ATP6V1C2: variants seen among roughly 807,000 people sequenced by gnomAD.
The protein encoded by ATP6V1C2 is ATPase H+ transporting V1 subunit C2, also known as V-type proton ATPase subunit C 2.
ATP6V1C2 carries 45 observed loss-of-function variants against 56.8 expected under a neutral mutation model. The ratio of observed to expected loss-of-function variants is 0.79; its 90% CI spans 0.62 to 1.02. ATP6V1C2 has a LOEUF of 1.02. ATP6V1C2 is among the 50% of genes least tolerant of loss of function. The pLI is 0.00. For synonymous variants in ATP6V1C2, 220 were observed against 201.3 expected (o/e 1.09, Z -0.79); for missense variants, 463 against 519.7 (o/e 0.89, Z 1.06).
intron 3 of ATP6V1C2, among the ~76,000 whole-genome samples, chr2:10,734,761 G>T (rs995928986): frequency 2.0e-5 from 3 of 152,174 alleles, no homozygotes; most frequent in Admixed American, 1.3e-4. Flanking sequence ...GTCATCGGTA[G>T]AACTGACCAG....
intron 12 of ATP6V1C2, 57 bp downstream of exon 12, chr2:10,778,726 G>A: frequency 1.3e-6 from 2 of 1,549,076 alleles, no homozygotes; most frequent in Admixed American, 1.7e-5. Flanking sequence ...GGGTCTGGGG[G>A]AGCTATCGGG....
In ATP6V1C2 at chr2:10,784,818, G is replaced by A. The variant is rs376113360; in HGVS notation, c.*1555G>A. On this transcript the variant is annotated 3_prime_UTR_variant, in exon 14 of 14. Coordinates refer to ENST00000272238, the MANE Select transcript of ATP6V1C2 (RefSeq NM_001039362.2). ...GAGAAGAACCTCTTAAAAGGCCCACGGGTGCACCAGGGCTGAGGTCTGATG... is the reference window on the plus strand; with the variant it reads ...GAGAAGAACCTCTTAAAAGGCCCACAGGTGCACCAGGGCTGAGGTCTGATG... The A allele has an allele frequency of 1.7e-5, 12 of 714,336 alleles. No individual in the cohort carries two copies. The highest frequency in any genetic ancestry group is 1.6e-4 in the East Asian group (6 of 36,640). The allele number at this position is 714,336 out of a possible 1,614,324, so 44.2% of individuals were successfully genotyped here.
At chr2:10,770,690 CATT>C (rs982552119) in intron 6 of ATP6V1C2, among the ~76,000 whole-genome samples, 1 of 152,248 alleles carries the variant, frequency 6.6e-6, no homozygotes, top group Non-Finnish European at 1.5e-5. Flanking sequence ...CATTGATCAT[CATT>C]GATTCGCAGT....
At position 10,768,767 on chromosome 2, in the gene ATP6V1C2, A is replaced by G. The variant is rs1198849; in HGVS notation, c.427A>G (p.Asn143Asp). The G allele has an allele frequency of 0.38, 620,635 of 1,613,372 alleles. 122,677 individuals carry two copies. The highest frequency in any genetic ancestry group is 0.62 in the East Asian group (27,989 of 44,842). Residue 143 changes from asparagine to aspartate, a missense_variant, in exon 6 of 14, where the codon AAC becomes GAC. By Grantham distance (23) the Asn-to-Asp change is conservative. Coordinates refer to ENST00000272238, the MANE Select transcript of ATP6V1C2 (RefSeq NM_001039362.2). ...CCTGAAGTCCCGAACGGCCGCCTAC[A>G]ACACTCTGAAGACAAACCTGGAGAA... Reference protein sequence around the residue: ...MDLKSRTAAYNTLKTNLENLE... With the variant: ...MDLKSRTAAYDTLKTNLENLE...
intron 1 of ATP6V1C2, among the ~76,000 whole-genome samples, chr2:10,722,026 T>A (rs1357335411): frequency 6.6e-6 from 1 of 152,200 alleles, no homozygotes; most frequent in African/African-American, 2.4e-5. Flanking sequence ...AGGAAGAGGT[T>A]CCACCAGGGG....
chr2:10,755,648 C>T (rs531618448), intron 4 of ATP6V1C2, among the ~76,000 whole-genome samples: 5 of 152,322 alleles, frequency 3.3e-5, no homozygotes, highest in African/African-American at 1.2e-4. Flanking sequence ...TACTGTTTGC[C>T]CCTCCACCCT....
intron 3 of ATP6V1C2, among the ~76,000 whole-genome samples, chr2:10,745,598 C>T (rs1662865480): frequency 6.6e-6 from 1 of 152,124 alleles, no homozygotes; most frequent in South Asian, 2.1e-4. Flanking sequence ...ACCTCTGCCT[C>T]CTAAAGTGCT....
intron 3 of ATP6V1C2, among the ~76,000 whole-genome samples, chr2:10,748,411 G>A (rs926681100): frequency 1.3e-5 from 2 of 152,080 alleles, no homozygotes; most frequent in African/African-American, 4.8e-5. Flanking sequence ...TTGGTCACTT[G>A]ACTAAGGCAG....
chr2:10,724,793 C>G (rs1308129981), intron 2 of ATP6V1C2, among the ~76,000 whole-genome samples: 3 of 151,838 alleles, frequency 2.0e-5, no homozygotes, highest in Non-Finnish European at 4.4e-5. Context: ...CTGCCTCAGC[C>G]TCCCCAGTAG....
intron 4 of ATP6V1C2, chr2:10,757,478 G>A (rs1663623934): frequency 5.0e-6 from 2 of 398,516 alleles, no homozygotes; most frequent in Admixed American, 4.4e-5. Context: ...ATTGTTTGCT[G>A]TGTCTGTGCT....
chr2:10,724,391 G>A (rs887764509), intron 2 of ATP6V1C2, among the ~76,000 whole-genome samples: 2 of 152,166 alleles, frequency 1.3e-5, no homozygotes, highest in African/African-American at 4.8e-5. Flanking sequence ...GGCTGGGAGA[G>A]GCTAAGTGTT....
chr2:10,747,383 C>T (rs114677744), intron 3 of ATP6V1C2, among the ~76,000 whole-genome samples: 5,560 of 152,278 alleles, frequency 0.037, 356 homozygotes, highest in African/African-American at 0.13. Flanking sequence ...TCTTTCTGAA[C>T]TCTGAACTTC....
chr2:10,751,888 G>A (rs181044155), intron 3 of ATP6V1C2, among the ~76,000 whole-genome samples: 3 of 152,092 alleles, frequency 2.0e-5, no homozygotes, highest in East Asian at 1.9e-4. Flanking sequence ...CCTGAGGATC[G>A]CTTTAGCCCC....
rs6729062 is a variant in ATP6V1C2, at chr2:10,780,947, G to C, written c.1062-1296G>C. 6.6e-6 allele frequency among the ~76,000 whole-genome samples: 1 copy of C among 152,128 alleles called. No individual in the cohort carries two copies. Among genetic ancestry groups the C allele is most frequent in the East Asian group, 1.9e-4 (1 of 5,162 alleles). On this transcript the variant is annotated intron_variant, in intron 12 of 13. Transcript: ENST00000272238. This position sits in a 1 kb window ranked among gnomAD's most constrained non-coding sequence, Gnocchi z 4.1. ...TTTAGTAGCGACGGGGTTTCACCAC[G>C]TTGGCCAGGCTGGTCTTGAACTCCT...
chr2:10,736,747 ATAATT>A (rs1287438739), intron 3 of ATP6V1C2, among the ~76,000 whole-genome samples: 2 of 148,460 alleles, frequency 1.3e-5, no homozygotes, highest in Non-Finnish European at 3.0e-5. Flanking sequence ...TGAGTGTTAT[ATAATT>A]TAAATTTTGA....
chr2:10,767,159 CTTTTTT>C (rs33943682), intron 5 of ATP6V1C2, among the ~76,000 whole-genome samples: 1 of 109,308 alleles, frequency 9.1e-6, no homozygotes, highest in Non-Finnish European at 1.7e-5. Context: ...CATTTTTTAT[CTTTTTT>C]TTTTTTTTTT....
intron 3 of ATP6V1C2, among the ~76,000 whole-genome samples, chr2:10,727,505 A>C (rs1025194020): frequency 1.3e-5 from 2 of 151,982 alleles, no homozygotes; most frequent in Non-Finnish European, 2.9e-5. Context: ...GCAGTGAGCT[A>C]TGGTTGTGCC....
At chr2:10,761,899 G>A (rs192957008) in intron 4 of ATP6V1C2, among the ~76,000 whole-genome samples, 3 of 152,332 alleles carry the variant, frequency 2.0e-5, no homozygotes, top group Admixed American at 6.5e-5. Context: ...GACTTCTTCC[G>A]AGTCCCGGTG....
At position 10,780,308 on chromosome 2, in the gene ATP6V1C2, C is replaced by T. The variant is rs1177206279; in HGVS notation, c.1061+1639C>T. Among the ~76,000 whole-genome samples the T allele has an allele frequency of 6.6e-6, 1 of 152,184 alleles. No individual in the cohort carries two copies. The highest frequency in any genetic ancestry group is 1.9e-4 in the East Asian group (1 of 5,202). On this transcript the variant is annotated intron_variant, in intron 12 of 13. Coordinates refer to ENST00000272238, the MANE Select transcript of ATP6V1C2 (RefSeq NM_001039362.2). The surrounding 1 kb of genome is among the most constrained non-coding windows in gnomAD (Gnocchi z 4.1). ...CCCCTGACAGGCCCGGTCCACTCCGCCTTTGCACTCTCTCTTTCACGGGTC... is the reference window on the plus strand; with the variant it reads ...CCCCTGACAGGCCCGGTCCACTCCGTCTTTGCACTCTCTCTTTCACGGGTC...
Sources: gnomAD v4.1 joint callset for allele counts (sites outside exome capture counted in the v4.1 genomes callset) on GRCh38, gnomAD v4.1.1 for gene constraint, Gnocchi (gnomAD v3.1) non-coding constraint, MANE v1.5 for transcripts, NCBI Gene and HGNC (gene_info 2026-07-23, HGNC 2026-07-21) for gene names.